FBN3: variants seen among roughly 807,000 people sequenced by gnomAD.
FBN3 encodes the protein fibrillin 3.
A neutral mutation model predicts 330.1 loss-of-function variants in FBN3; 234 were observed. The observed-to-expected ratio is 0.71, with a 90% CI of 0.64 to 0.79. FBN3 has a LOEUF of 0.79. FBN3 is among the 30% of genes least tolerant of loss of function. FBN3 has a pLI of 0.00. For synonymous variants in FBN3, 1,458 were observed against 1,517.3 expected (o/e 0.96, Z 0.91); for missense variants, 3,606 against 3,886.9 (o/e 0.93, Z 1.92).
At position 8,143,497 on chromosome 19, in the gene FBN3, C is replaced by CTTTTTTTTT. The variant is rs557671451; in HGVS notation, c.542-1369_542-1361dup. 9.4e-4 allele frequency among the ~76,000 whole-genome samples: 118 copies of CTTTTTTTTT among 126,040 alleles called. 2 individuals carry two copies. The highest frequency in any genetic ancestry group is 1.7e-3 in the South Asian group (7 of 4,070). The allele number at this position is 126,040 out of a possible 152,430, so 82.7% of individuals were successfully genotyped here. ...CCGTTCTCCTTTTTTCTTTTCTTTT[C>CTTTTTTTTT]TTTTTTTTTTTTTTTTTGAGACAGG... is the stretch of plus-strand genomic sequence containing the variant. On this transcript the variant is annotated intron_variant, in intron 6 of 63. Coordinates refer to ENST00000600128, the MANE Select transcript of FBN3 (RefSeq NM_032447.5).
Position 8,096,932 on chromosome 19 carries a change from G to A in FBN3, c.5362C>T (p.Arg1788Cys), listed in dbSNP as rs368655625. The A allele has an allele frequency of 3.5e-5, 57 of 1,613,806 alleles. No individual in the cohort carries two copies. The highest frequency in any genetic ancestry group is 1.6e-4 in the Middle Eastern group (1 of 6,062). ...TTGTACCCTCGGGTGCACTTGCAGC[G>A]GTAGCTACCGGGGATGTTGATGCAG... ...ADCINIPGSY[R>C]CKCTRGYKLS... The change falls in exon 43 of 64, where the codon CGC becomes TGC. Residue 1788 changes from arginine to cysteine, a missense_variant. Physicochemically the swap from Arg to Cys is radical, Grantham distance 180 (BLOSUM62 -3). Coordinates refer to ENST00000600128, the MANE Select transcript of FBN3 (RefSeq NM_032447.5). This position sits in a 1 kb window ranked among gnomAD's most constrained non-coding sequence, Gnocchi z 4.6.
rs750479681 is a variant in FBN3, at chr19:8,136,063, C to A, written c.1489G>T (p.Gly497Cys). The A allele has an allele frequency of 7.4e-6, 12 of 1,613,964 alleles. No individual in the cohort carries two copies. Among genetic ancestry groups the A allele is most frequent in the Non-Finnish European group, 1.0e-5 (12 of 1,179,948 alleles). ...CAGCGGCCCAGGTGACAAAGGCCAC[C>A]ACTGACAATGCACTCGTCCACATCT... is the stretch of plus-strand genomic sequence containing the variant. ...CVDVDECIVS[G>C]GLCHLGRCVN... Residue 497 changes from glycine to cysteine, a missense_variant, in exon 13 of 64, where the codon GGT becomes TGT. Coordinates refer to ENST00000600128, the MANE Select transcript of FBN3 (RefSeq NM_032447.5).
Position 8,119,028 on chromosome 19 carries a change from G to T in FBN3, c.3212-6C>A. 6.3e-7 allele frequency: 1 copy of T among 1,590,926 alleles called. No homozygotes were observed. Among genetic ancestry groups the T allele is most frequent in the Non-Finnish European group, 8.6e-7 (1 of 1,161,892 alleles). Reference sequence around the variant, plus strand: ...CCTTGCACACTCGTCCACGTCTGAAGGTTTGTGTGGAAAGAGAGAGCAGGC... The same window carrying T: ...CCTTGCACACTCGTCCACGTCTGAATGTTTGTGTGGAAAGAGAGAGCAGGC... On this transcript the variant is annotated splice_region_variant and splice_polypyrimidine_tract_variant and intron_variant, in intron 25 of 63. Coordinates refer to ENST00000600128, the MANE Select transcript of FBN3 (RefSeq NM_032447.5).
chr19:8,136,128 C>T lies in FBN3; in HGVS notation c.1466-42G>A, dbSNP rs375668611. 8.1e-6 allele frequency: 13 copies of T among 1,611,472 alleles called. No individual in the cohort carries two copies. The African/African-American group carries it at 1.7e-4, about 21-fold the overall frequency. On this transcript the variant is annotated intron_variant, in intron 12 of 63. Coordinates refer to ENST00000600128, the MANE Select transcript of FBN3 (RefSeq NM_032447.5). The stretch of plus-strand genomic sequence containing the variant: ...CGGGCAGTCAAGAGGTGCTCCCCAC[C>T]CTCCAAGCCTGGGCCAGAACCCCCA...
chr19:8,087,267 G>A, intron 53 of FBN3, 56 bp from the exon 54 acceptor site: 1 of 1,499,426 alleles, frequency 6.7e-7, no homozygotes, highest in Non-Finnish European at 8.8e-7. Context: ...ATGGCTGTGG[G>A]GACCTGGATT....
intron 50 of FBN3, 57 bp downstream of exon 50, chr19:8,089,837 C>T (rs2082052760): frequency 7.1e-6 from 11 of 1,546,748 alleles, no homozygotes; most frequent in Admixed American, 2.0e-5. Context: ...CCAGGCAGTG[C>T]GGAGATGGAT....
chr19:8,140,854 C>A (rs1300650173), intron 8 of FBN3, among the ~76,000 whole-genome samples: 1 of 152,056 alleles, frequency 6.6e-6, no homozygotes, highest in Non-Finnish European at 1.5e-5. Context: ...ACAGCTACCC[C>A]CAATGCCAGC....
intron 50 of FBN3, 66 bp from the exon 51 acceptor site, chr19:8,089,736 C>A: frequency 6.3e-7 from 1 of 1,596,528 alleles, no homozygotes. Flanking sequence ...CCTGGCCACA[C>A]TCAAGGCCCC....
At chr19:8,066,491 C>T (rs2081393483) in intron 63 of FBN3, among the ~76,000 whole-genome samples, 2 of 152,102 alleles carry the variant, frequency 1.3e-5, no homozygotes, top group South Asian at 4.2e-4. Flanking sequence ...GGCATGTTCT[C>T]AGTTATAAGT....
chr19:8,108,139 C>G, intron 37 of FBN3, 31 bp downstream of exon 37: 1 of 1,600,234 alleles, frequency 6.2e-7, no homozygotes, highest in Non-Finnish European at 8.5e-7. Context: ...TCTAGGCAGA[C>G]AGATGGATGG....
chr19:8,087,297 T>C, intron 53 of FBN3, 86 bp from the exon 54 acceptor site: 1 of 1,438,138 alleles, frequency 7.0e-7, no homozygotes, highest in Non-Finnish European at 9.2e-7. Context: ...GTCAGCCCTG[T>C]GGGACCTGAG....
intron 18 of FBN3, among the ~76,000 whole-genome samples, chr19:8,127,059 G>T (rs28504401): frequency 0.45 from 45,387 of 100,452 alleles, 6,936 homozygotes; most frequent in East Asian, 0.56. Context: ...TTTTTTTTTT[G>T]TTTTTTTTTT....
intron 18 of FBN3, among the ~76,000 whole-genome samples, chr19:8,127,041 C>A (rs2144938421): frequency 6.8e-6 from 1 of 147,640 alleles, no homozygotes; most frequent in African/African-American, 2.5e-5. Context: ...ACAGGAAATG[C>A]CAAACTGTTT....
At chr19:8,077,166 G>A (rs1012149800) in intron 59 of FBN3, among the ~76,000 whole-genome samples, 3 of 152,242 alleles carry the variant, frequency 2.0e-5, no homozygotes, top group Admixed American at 2.0e-4. Context: ...ACGATGGTAG[G>A]AGGGCATTGG....
chr19:8,094,385 A>G lies in FBN3; in HGVS notation c.5905+61T>C. 4 of 1,550,544 alleles carry G rather than the reference A, an allele frequency of 2.6e-6. No homozygotes were observed. In the South Asian group the frequency reaches 3.6e-5, roughly 14 times the overall value. ...CAACCCTAGCTGGTATTCCCATTTT[A>G]TGGATGGAGAAAGAGAGGCACTCCC... On this transcript the variant is annotated intron_variant, in intron 47 of 63. Transcript: ENST00000600128.
intron 25 of FBN3, among the ~76,000 whole-genome samples, chr19:8,119,546 C>T (rs1842875916): frequency 6.6e-6 from 1 of 152,172 alleles, no homozygotes; most frequent in Non-Finnish European, 1.5e-5. Flanking sequence ...TGGAGTCTCG[C>T]TCTGTTGCCC....
At chr19:8,138,931 C>A (rs1382738259) in intron 8 of FBN3, among the ~76,000 whole-genome samples, 2 of 152,140 alleles carry the variant, frequency 1.3e-5, no homozygotes, top group Non-Finnish European at 2.9e-5. Context: ...CTTGTAATCA[C>A]AGCTACTTGG....
chr19:8,071,143 T>C (rs17261689), intron 63 of FBN3, among the ~76,000 whole-genome samples: 19,667 of 152,142 alleles, frequency 0.13, 1,467 homozygotes, highest in Non-Finnish European at 0.17. Context: ...AATACATTTT[T>C]GGCTTTCAGA....
At chr19:8,089,860 G>T in intron 50 of FBN3, 34 bp downstream of exon 50, 1 of 1,572,698 alleles carries the variant, frequency 6.4e-7, no homozygotes, top group Non-Finnish European at 8.6e-7. Context: ...GGGTGGCCCA[G>T]AAGGGGCTCT....
Sources: gnomAD v4.1 joint callset for allele counts (sites outside exome capture counted in the v4.1 genomes callset) on GRCh38, gnomAD v4.1.1 for gene constraint, Gnocchi (gnomAD v3.1) non-coding constraint, MANE v1.5 for transcripts, NCBI Gene and HGNC (gene_info 2026-07-23, HGNC 2026-07-21) for gene names.